FRMD6: variants seen among roughly 807,000 people sequenced by gnomAD.
FRMD6 encodes the protein FERM domain containing 6.
Under a neutral mutation model 73.2 loss-of-function variants are expected in FRMD6, and 37 were observed. That is an observed-to-expected ratio of 0.51 (90% CI 0.39 to 0.66). FRMD6 has a LOEUF of 0.66. FRMD6 is among the 30% of genes least tolerant of loss of function. FRMD6 has a pLI of 0.00. For missense variants in FRMD6, 714 were observed against 780.5 expected, an observed-to-expected ratio of 0.91 and a Z score of 1.02; for synonymous variants, 273 against 282.2, an observed-to-expected ratio of 0.97 and a Z score of 0.33.
chr14:51,422,426 TAAAC>T, the FRMD6 span, among the ~76,000 whole-genome samples: 10 of 152,156 alleles, frequency 6.6e-5, no homozygotes, highest in Non-Finnish European at 1.5e-4. Context: ...AATTCCTTAA[TAAAC>T]AAGTACATGA....
At chr14:51,564,886 A>G (rs1450124687) in intron 1 of FRMD6, among the ~76,000 whole-genome samples, 1 of 152,226 alleles carries the variant, frequency 6.6e-6, no homozygotes, top group African/African-American at 2.4e-5. Flanking sequence ...TTCTATGTGT[A>G]TATATTTAAA....
intron 2 of FRMD6, among the ~76,000 whole-genome samples, chr14:51,586,285 AT>A (rs1371860471): frequency 6.6e-6 from 1 of 152,092 alleles, no homozygotes; most frequent in African/African-American, 2.4e-5. Flanking sequence ...TCTGACTGGT[AT>A]AAGATGATAC....
chr14:51,500,576 A>G (rs891156220), intron 1 of FRMD6, among the ~76,000 whole-genome samples: 1 of 152,142 alleles, frequency 6.6e-6, no homozygotes, highest in Non-Finnish European at 1.5e-5. Flanking sequence ...GTGTGTATGT[A>G]AAGAGAAAGT....
intron 2 of FRMD6, among the ~76,000 whole-genome samples, chr14:51,617,366 G>A: frequency 6.6e-6 from 1 of 152,176 alleles, no homozygotes; most frequent in East Asian, 1.9e-4. Context: ...TGGAGAGGTA[G>A]AGGGAAGACA....
At chr14:51,470,775 G>A in the FRMD6 span, among the ~76,000 whole-genome samples, 1 of 152,090 alleles carries the variant, frequency 6.6e-6, no homozygotes, top group African/African-American at 2.4e-5. Context: ...AATTAAGATG[G>A]TGTTGTTTAA....
At chr14:51,479,280 T>G in the FRMD6 span, among the ~76,000 whole-genome samples, 1 of 152,220 alleles carries the variant, frequency 6.6e-6, no homozygotes, top group Non-Finnish European at 1.5e-5. Context: ...ATGCGCACAT[T>G]GTACAAACAT....
the FRMD6 span, chr14:51,436,882 A>G: frequency 1.1e-6 from 1 of 881,658 alleles, no homozygotes; most frequent in Non-Finnish European, 1.7e-6. Flanking sequence ...GTATTGATGA[A>G]GAAGGGGATG....
At chr14:51,555,694 C>T (rs966420526) in intron 1 of FRMD6, among the ~76,000 whole-genome samples, 5 of 151,158 alleles carry the variant, frequency 3.3e-5, no homozygotes, top group Non-Finnish European at 5.9e-5. Context: ...CCCAGCTACT[C>T]GGGAGGCTGA....
intron 1 of FRMD6, among the ~76,000 whole-genome samples, chr14:51,557,579 A>G (rs1887216956): frequency 6.6e-6 from 1 of 152,168 alleles, no homozygotes; most frequent in African/African-American, 2.4e-5. Flanking sequence ...AGGAAACATA[A>G]ATTCAGGACA....
At chr14:51,476,291 G>A in the FRMD6 span, among the ~76,000 whole-genome samples, 1 of 152,152 alleles carries the variant, frequency 6.6e-6, no homozygotes, top group Non-Finnish European at 1.5e-5. Context: ...ATGCTGGGAG[G>A]GAATGTGGTC....
At chr14:51,589,102 T>A (rs1338263830) in intron 2 of FRMD6, among the ~76,000 whole-genome samples, 2 of 152,218 alleles carry the variant, frequency 1.3e-5, no homozygotes, top group Non-Finnish European at 2.9e-5. Flanking sequence ...TTACTTTCCT[T>A]CCTGTCCTTC....
chr14:51,693,211 G>A (rs547853743), intron 2 of FRMD6, among the ~76,000 whole-genome samples: 1 of 152,228 alleles, frequency 6.6e-6, no homozygotes, highest in African/African-American at 2.4e-5. Flanking sequence ...TTTAAAATGA[G>A]AATAATACTT....
At chr14:51,705,431 C>A (rs1456784512) in intron 6 of FRMD6, among the ~76,000 whole-genome samples, 1 of 152,090 alleles carries the variant, frequency 6.6e-6, no homozygotes, top group Non-Finnish European at 1.5e-5. Flanking sequence ...CTCAGCTGCG[C>A]TTTCTCCACT....
chr14:51,644,170 GA>G (rs1445617214), intron 2 of FRMD6, among the ~76,000 whole-genome samples: 1 of 151,876 alleles, frequency 6.6e-6, no homozygotes. Flanking sequence ...ATTGACACTT[GA>G]AAAAAATAAA....
At chr14:51,725,708 G>A (rs897967078) in intron 12 of FRMD6, 71 bp from the exon 13 acceptor site, 2 of 1,148,918 alleles carry the variant, frequency 1.7e-6, no homozygotes, top group South Asian at 1.3e-5. Flanking sequence ...ATAGCAATAT[G>A]TCAGAATATA....
In FRMD6 at chr14:51,716,316, G is replaced by A. The variant is rs553334232; in HGVS notation, c.1024+817G>A. On this transcript the variant is annotated intron_variant, in intron 10 of 13. Transcript: ENST00000344768. Reference sequence around the variant, plus strand: ...GGTTTGTTTTTTTTTTTAATGCTTTGGGGTTTTGTTTATGCTTTCAAAGAT... The same window carrying A: ...GGTTTGTTTTTTTTTTTAATGCTTTAGGGTTTTGTTTATGCTTTCAAAGAT... 6.6e-5 allele frequency among the ~76,000 whole-genome samples: 10 copies of A among 151,422 alleles called. No individual in the cohort carries two copies. The East Asian group carries it at 1.9e-3, about 29-fold the overall frequency.
intron 1 of FRMD6, among the ~76,000 whole-genome samples, chr14:51,493,721 A>G (rs1466811540): frequency 3.3e-5 from 5 of 152,222 alleles, no homozygotes; most frequent in Admixed American, 3.3e-4. Context: ...ATAGTTTTCT[A>G]TCATATTACT....
chr14:51,553,409 G>C (rs898266280), intron 1 of FRMD6, among the ~76,000 whole-genome samples: 1 of 152,204 alleles, frequency 6.6e-6, no homozygotes, highest in Non-Finnish European at 1.5e-5. Context: ...ACAGAGGAAA[G>C]AAATTCAGAA....
chr14:51,720,722 C>T (rs1363305419), intron 11 of FRMD6, among the ~76,000 whole-genome samples: 1 of 152,196 alleles, frequency 6.6e-6, no homozygotes, highest in Non-Finnish European at 1.5e-5. Context: ...TAGGACAGCA[C>T]AGTGGAGTGC....
Sources: allele counts gnomAD v4.1 joint callset (sites outside exome capture counted in the v4.1 genomes callset), GRCh38; gene constraint gnomAD v4.1.1; transcripts MANE v1.5; gene names NCBI Gene and HGNC (gene_info 2026-07-23, HGNC 2026-07-21).